STXBP4: variants seen among roughly 807,000 people sequenced by gnomAD.
STXBP4 encodes the protein syntaxin binding protein 4.
A neutral mutation model predicts 76.1 loss-of-function variants in STXBP4; 55 were observed. The ratio of observed to expected loss-of-function variants is 0.72; its 90% CI spans 0.58 to 0.91. The LOEUF (loss-of-function observed/expected upper bound fraction) is 0.91. Ranked by LOEUF, STXBP4 falls within the 40% of genes least tolerant of loss-of-function variation. The pLI is 0.00. For missense variants in STXBP4, 618 were observed against 636.9 expected (o/e 0.97, Z 0.32); for synonymous variants, 201 against 220.2 (o/e 0.91, Z 0.77).
chr17:55,063,361 A>G (rs1270482480), intron 12 of STXBP4, among the ~76,000 whole-genome samples: 4 of 152,234 alleles, frequency 2.6e-5, no homozygotes, highest in Non-Finnish European at 5.9e-5. Flanking sequence ...AGAATTTTCA[A>G]TGTTGGAAGA....
At chr17:55,185,326 T>TCTCCTCCTCCTCCTCCTC in the STXBP4 span, among the ~76,000 whole-genome samples, 85 of 74,690 alleles carry the variant, frequency 1.1e-3, 4 homozygotes, top group South Asian at 5.7e-3. Flanking sequence ...TCCTTCTCCT[T>TCTCCTCCTCCTCCTCCTC]CTCCTCCTCC....
chr17:55,179,286 G>T, the STXBP4 span, among the ~76,000 whole-genome samples: 154 of 152,116 alleles, frequency 1.0e-3, 1 homozygote, highest in Non-Finnish European at 1.9e-3. Context: ...AGAAATAAAG[G>T]AATGTCTCAT....
At chr17:55,210,251 C>G in the STXBP4 span, among the ~76,000 whole-genome samples, 2 of 152,086 alleles carry the variant, frequency 1.3e-5, no homozygotes. Context: ...GTTATTAAAC[C>G]CTAATGAGAA....
intron 1 of STXBP4, among the ~76,000 whole-genome samples, chr17:54,975,465 TGACA>T (rs144628777): frequency 0.039 from 5,920 of 152,268 alleles, 238 homozygotes; most frequent in Non-Finnish European, 0.046. Context: ...TCAAATGCAC[TGACA>T]GACAGTCTCA....
the STXBP4 span, among the ~76,000 whole-genome samples, chr17:55,201,840 A>T: frequency 1.3e-5 from 2 of 152,250 alleles, no homozygotes; most frequent in Non-Finnish European, 1.5e-5. Flanking sequence ...GCATGCATGA[A>T]CACAGTTAAC....
At chr17:55,206,068 A>G in the STXBP4 span, among the ~76,000 whole-genome samples, 1 of 152,138 alleles carries the variant, frequency 6.6e-6, no homozygotes, top group Non-Finnish European at 1.5e-5. Context: ...TAAACTCTAT[A>G]TTGATTAGTG....
chr17:55,018,357 G>C (rs1045352571), intron 8 of STXBP4, among the ~76,000 whole-genome samples: 1 of 152,210 alleles, frequency 6.6e-6, no homozygotes, highest in Non-Finnish European at 1.5e-5. Context: ...GGTCTGCGAT[G>C]GCAGCAAACA....
At chr17:55,206,915 G>A in the STXBP4 span, among the ~76,000 whole-genome samples, 1 of 149,512 alleles carries the variant, frequency 6.7e-6, no homozygotes, top group Non-Finnish European at 1.5e-5. Flanking sequence ...GTCTTACTCA[G>A]CCAGTGCTGG....
chr17:55,181,506 C>A, the STXBP4 span, among the ~76,000 whole-genome samples: 1 of 152,242 alleles, frequency 6.6e-6, no homozygotes, highest in Non-Finnish European at 1.5e-5. Context: ...AAATTCACAG[C>A]CCAAGCCTGA....
At chr17:55,152,047 T>C (rs1056325811) in intron 17 of STXBP4, among the ~76,000 whole-genome samples, 1 of 152,216 alleles carries the variant, frequency 6.6e-6, no homozygotes, top group Non-Finnish European at 1.5e-5. Context: ...TATTTATGCA[T>C]ATTTTCAATA....
chr17:55,004,397 A>T (rs888700748), intron 7 of STXBP4, among the ~76,000 whole-genome samples: 2 of 152,044 alleles, frequency 1.3e-5, no homozygotes, highest in African/African-American at 4.8e-5. Context: ...TACAAAGAGG[A>T]TAGGAACAGA....
chr17:54,990,949 T>A lies in STXBP4; in HGVS notation c.172T>A (p.Cys58Ser). 2 of 1,564,006 alleles carry A rather than the reference T, an allele frequency of 1.3e-6. No individual in the cohort carries two copies. Among genetic ancestry groups the A allele is most frequent in the Non-Finnish European group, 1.7e-6 (2 of 1,161,778 alleles). The change falls in exon 4 of 18, where the codon TGT becomes AGT. Residue 58 changes from cysteine (C) to serine (S), a missense_variant. Physicochemically the swap from Cys to Ser is moderately radical, Grantham distance 112. Coordinates refer to ENST00000376352, the MANE Select transcript of STXBP4 (RefSeq NM_178509.6). The part of the protein sequence containing the change: ...YIQEIIPGGD[C>S]YKDGRLKPGD... ...TCAGGAAATTATTCCTGGAGGAGACTGTTATAAGGTAAAAATATGTCCCAT... is the reference window on the plus strand; with the variant it reads ...TCAGGAAATTATTCCTGGAGGAGACAGTTATAAGGTAAAAATATGTCCCAT...
intron 17 of STXBP4, among the ~76,000 whole-genome samples, chr17:55,155,857 A>G (rs546119250): frequency 6.6e-6 from 1 of 152,308 alleles, no homozygotes; most frequent in Non-Finnish European, 1.5e-5. Flanking sequence ...TTCTATGCCA[A>G]TAATATAAAG....
intron 17 of STXBP4, among the ~76,000 whole-genome samples, chr17:55,147,982 C>T (rs891114808): frequency 3.3e-5 from 5 of 152,102 alleles, no homozygotes; most frequent in Non-Finnish European, 5.9e-5. Context: ...AGGAACTCTG[C>T]CATGATGAAC....
chr17:55,025,742 TG>T (rs1417599390), intron 8 of STXBP4, among the ~76,000 whole-genome samples: 21 of 152,348 alleles, frequency 1.4e-4, no homozygotes, highest in African/African-American at 4.8e-4. Context: ...CAAGGATGTC[TG>T]CTTTACCACT....
Position 55,081,099 on chromosome 17 carries a change from A to G in STXBP4, c.1405A>G (p.Arg469Gly), listed in dbSNP as rs549948137. The G allele has an allele frequency of 2.6e-6, 4 of 1,557,910 alleles. No individual in the cohort carries two copies. The African/African-American group carries it at 4.2e-5, about 16-fold the overall frequency. Residue 469 changes from arginine to glycine, a missense_variant, in exon 16 of 18, where the codon AGG (arginine) becomes GGG (glycine). Arg to Gly is a moderately radical substitution (Grantham distance 125). Coordinates refer to ENST00000376352, the MANE Select transcript of STXBP4 (RefSeq NM_178509.6). ...TCAGACTTCCCTCACACCACTGGGA[A>G]GGAATGGACGTAGCATCCCAGCAAC... ...ASQTSLTPLG[R>G]NGRSIPATLA...
intron 16 of STXBP4, among the ~76,000 whole-genome samples, chr17:55,114,764 C>T (rs1369437014): frequency 6.6e-6 from 1 of 151,866 alleles, no homozygotes; most frequent in Admixed American, 6.6e-5. Context: ...AGAATACCTT[C>T]CCTCTTAGCT....
At chr17:55,211,101 C>T in the STXBP4 span, among the ~76,000 whole-genome samples, 1 of 152,084 alleles carries the variant, frequency 6.6e-6, no homozygotes, top group Non-Finnish European at 1.5e-5. Flanking sequence ...ATGCCCCCCC[C>T]CATGAAATTT....
chr17:55,025,834 G>C (rs1222679541), intron 8 of STXBP4, among the ~76,000 whole-genome samples: 2 of 152,080 alleles, frequency 1.3e-5, no homozygotes, highest in Non-Finnish European at 2.9e-5. Flanking sequence ...ATTGCAGGAA[G>C]AATTAAAACT....
Sources: allele counts gnomAD v4.1 joint callset (sites outside exome capture counted in the v4.1 genomes callset), GRCh38; gene constraint gnomAD v4.1.1; transcripts MANE v1.5; gene names NCBI Gene and HGNC (gene_info 2026-07-23, HGNC 2026-07-21).